FCRL5: variants seen among roughly 807,000 people sequenced by gnomAD.
The protein encoded by FCRL5 is Fc receptor like 5.
FCRL5 carries 79 observed loss-of-function variants against 92.1 expected under a neutral mutation model. That is an observed-to-expected ratio of 0.86 (90% CI 0.72 to 1.03). The LOEUF (loss-of-function observed/expected upper bound fraction) is 1.03, where lower values mean the gene tolerates loss of function less well. FCRL5 is among the 50% of genes least tolerant of loss of function. FCRL5 has a pLI of 0.00. For synonymous variants in FCRL5, 466 were observed against 469.3 expected, an observed-to-expected ratio of 0.99 and a Z score of 0.09; for missense variants, 1,160 against 1,181.1, an observed-to-expected ratio of 0.98 and a Z score of 0.26.
intron 9 of FCRL5, 150 bp from the exon 10 acceptor site, chr1:157,524,707 A>G: frequency 1.1e-6 from 1 of 874,498 alleles, no homozygotes; most frequent in South Asian, 2.0e-5. Flanking sequence ...GATCTCCAGA[A>G]AGAACAACAT....
intron 10 of FCRL5, chr1:157,521,593 T>G: frequency 4.4e-6 from 1 of 225,188 alleles, no homozygotes; most frequent in Non-Finnish European, 8.6e-6. Context: ...TACTATTCTT[T>G]TTTCTATTTT....
chr1:157,524,670 A>T (rs1490008276), intron 9 of FCRL5, 113 bp from the exon 10 acceptor site: 3 of 1,206,140 alleles, frequency 2.5e-6, no homozygotes, highest in Non-Finnish European at 3.4e-6. Context: ...CCCTTGTGAC[A>T]TTACTCAAAA....
At chr1:157,519,593 T>TATCC (rs1268656313) in intron 13 of FCRL5, 150 bp downstream of exon 13, 18 of 784,112 alleles carry the variant, frequency 2.3e-5, no homozygotes, top group Non-Finnish European at 3.7e-5. Flanking sequence ...TGCCTTAAGA[T>TATCC]ATCCCCAGGG....
intron 13 of FCRL5, 46 bp from the exon 14 acceptor site, chr1:157,518,828 G>A: frequency 6.6e-7 from 1 of 1,516,928 alleles, no homozygotes; most frequent in South Asian, 1.2e-5. Context: ...TCCAGACAAA[G>A]TAGCTATAAT....
chr1:157,526,717 T>A (rs1438093603), intron 9 of FCRL5, among the ~76,000 whole-genome samples: 2 of 151,170 alleles, frequency 1.3e-5, no homozygotes, highest in Admixed American at 6.6e-5. Context: ...GTGGTGGGAG[T>A]GGAGGGGGTT....
intron 13 of FCRL5, among the ~76,000 whole-genome samples, chr1:157,519,371 G>A (rs1650075255): frequency 6.6e-6 from 1 of 152,188 alleles, no homozygotes; most frequent in Non-Finnish European, 1.5e-5. Flanking sequence ...TATCACAAGA[G>A]GTGTTGATGA....
rs1206787417 is a variant in FCRL5 at position 157,518,791 on chromosome 1, CAG to C, written c.2661-11_2661-10del. ...CCGAGTCTGAAGGGCTCCTGTGAGACAGAGAAATGTGAATGTTTCTTAGGAAT... is the reference window on the plus strand; with the variant it reads ...CCGAGTCTGAAGGGCTCCTGTGAGACAGAAATGTGAATGTTTCTTAGGAAT... On this transcript the variant is annotated splice_polypyrimidine_tract_variant and intron_variant, in intron 13 of 16. Transcript: ENST00000361835. 1.2e-6 allele frequency: 2 copies of C among 1,605,110 alleles called. No homozygotes were observed. The highest frequency in any genetic ancestry group is 1.3e-5 in the African/African-American group (1 of 74,574).
At position 157,544,346 on chromosome 1, in the gene FCRL5, C is replaced by A. The variant is rs1651419257; in HGVS notation, c.760G>T (p.Asp254Tyr). 3 of 1,614,094 alleles carry A rather than the reference C, an allele frequency of 1.9e-6. No homozygotes were observed. In the African/African-American group the frequency reaches 4.0e-5, roughly 22 times the overall value. Reference sequence around the variant, plus strand: ...GCCTTACACCAGTAGAACCCTGAATCTTTACTCCACATGGCAGTAATCTGG... The same window carrying A: ...GCCTTACACCAGTAGAACCCTGAATATTTACTCCACATGGCAGTAATCTGG... ...NFQITAMWSK[D>Y]SGFYWCKAAT... Residue 254 changes from aspartate to tyrosine, a missense_variant, in exon 5 of 17, where the codon GAT becomes TAT. Coordinates refer to ENST00000361835, the MANE Select transcript of FCRL5 (RefSeq NM_031281.3).
At chr1:157,544,591 C>A in intron 4 of FCRL5, 45 bp from the exon 5 acceptor site, 1 of 1,596,470 alleles carries the variant, frequency 6.3e-7, no homozygotes, top group Middle Eastern at 2.1e-4. Context: ...GAGGCTGGAA[C>A]TGCTTTGGAG....
chr1:157,537,202 C>T (rs943636929), intron 7 of FCRL5, among the ~76,000 whole-genome samples: 2 of 152,198 alleles, frequency 1.3e-5, no homozygotes, highest in African/African-American at 4.8e-5. Context: ...TATTTTTCTT[C>T]TTTCTAAATC....
Position 157,547,132 on chromosome 1 carries a change from C to T in FCRL5, c.118G>A (p.Val40Met), listed in dbSNP as rs1242159492. ...CGAAATCCCTTGCAAGTGAGGGTCACTCTCTCTCCTTGGAAGACTGTGGTC... is the reference window on the plus strand; with the variant it reads ...CGAAATCCCTTGCAAGTGAGGGTCATTCTCTCTCCTTGGAAGACTGTGGTC... ...PWTTVFQGERVTLTCKGFRFY... is the reference protein window; with the variant it reads ...PWTTVFQGERMTLTCKGFRFY... The change falls in exon 3 of 17, where the codon GTG becomes ATG. Residue 40 changes from valine to methionine, a missense_variant. Val to Met is a conservative substitution (Grantham distance 21, BLOSUM62 1). Transcript: ENST00000361835. 1 of 1,614,066 alleles carries T rather than the reference C, an allele frequency of 6.2e-7. No homozygotes were observed. The highest frequency in any genetic ancestry group is 2.2e-5 in the East Asian group (1 of 44,884).
intron 6 of FCRL5, among the ~76,000 whole-genome samples, chr1:157,541,228 C>G (rs1215631848): frequency 1.3e-5 from 2 of 152,198 alleles, no homozygotes; most frequent in Non-Finnish European, 2.9e-5. Flanking sequence ...GTCCCAACTC[C>G]TCTACTGGGA....
intron 15 of FCRL5, among the ~76,000 whole-genome samples, chr1:157,516,448 A>G (rs552275040): frequency 1.3e-5 from 2 of 152,286 alleles, no homozygotes; most frequent in South Asian, 4.2e-4. Flanking sequence ...ATCATCTGTC[A>G]TGTATTGAGC....
chr1:157,548,419 C>A (rs1222065170), intron 2 of FCRL5, among the ~76,000 whole-genome samples: 1 of 151,892 alleles, frequency 6.6e-6, no homozygotes, highest in Non-Finnish European at 1.5e-5. Flanking sequence ...GCAACAAAAG[C>A]CAAAATTGAC....
Position 157,519,605 on chromosome 1 carries a change from CG to C in FCRL5, c.2660+137del, listed in dbSNP as rs138647931. The C allele has an allele frequency of 2.9e-3, 2,483 of 865,740 alleles. 30 individuals are homozygous for C. In the African/African-American group the frequency reaches 0.032, roughly 11 times the overall value. 53.6% of individuals were successfully genotyped at this position (865,740 alleles called of 1,614,324 possible). A position where few individuals can be genotyped will look rare whatever the true frequency, so the allele number is the denominator to read the frequency against. On this transcript the variant is annotated intron_variant, in intron 13 of 16. Transcript: ENST00000361835. ...AATTGCCTTAAGATATCCCCAGGGA[CG>C]TACAACAGGTAGTGGCCACACCCCA...
intron 2 of FCRL5, 29 bp from the exon 3 acceptor site, chr1:157,547,226 G>A (rs753160092): frequency 1.2e-6 from 2 of 1,610,750 alleles, no homozygotes; most frequent in Admixed American, 1.7e-5. Context: ...AGGAGTCTGA[G>A]GTGGAGGCGC....
At position 157,515,516 on chromosome 1, in the gene FCRL5, G is replaced by T; in HGVS notation, c.*159C>A. Reference sequence around the variant, plus strand: ...GGGAAACAGGTGACAGTCCAGCAGGGCCCTGCATTCTGGTCAGACTGAGAA... The same window carrying T: ...GGGAAACAGGTGACAGTCCAGCAGGTCCCTGCATTCTGGTCAGACTGAGAA... On this transcript the variant is annotated 3_prime_UTR_variant, in exon 17 of 17. Transcript: ENST00000361835. 6.7e-7 allele frequency: 1 copy of T among 1,499,078 alleles called. No homozygotes were observed. The highest frequency in any genetic ancestry group is 9.2e-7 in the Non-Finnish European group (1 of 1,092,780). 92.9% of individuals were successfully genotyped at this position (1,499,078 alleles called of 1,614,324 possible).
Position 157,544,876 on chromosome 1 carries a change from T to A in FCRL5, c.514A>T (p.Ser172Cys). 6.2e-7 allele frequency: 1 copy of A among 1,614,214 alleles called. No individual in the cohort carries two copies. Among genetic ancestry groups the A allele is most frequent in the Non-Finnish European group, 8.5e-7 (1 of 1,180,026 alleles). Residue 172 changes from serine (S) to cysteine (C), a missense_variant, in exon 4 of 17, where the codon AGT (serine) becomes TGT (cysteine). By Grantham distance (112) the Ser-to-Cys change is moderately radical. Coordinates refer to ENST00000361835, the MANE Select transcript of FCRL5 (RefSeq NM_031281.3). ...GTATTGGAAGAAACAGGGCAACAAC[T>A]TTCCTTATATCCAGTACAGCGATAT... Reference protein sequence around the residue: ...GAYRCTGYKESCCPVSSNTVK... With the variant: ...GAYRCTGYKECCCPVSSNTVK...
chr1:157,545,522 G>GTTTTTTTTTTTTTTTT (rs754972248), intron 3 of FCRL5, among the ~76,000 whole-genome samples: 2 of 84,940 alleles, frequency 2.4e-5, no homozygotes, highest in African/African-American at 5.0e-5. Flanking sequence ...TCTTTAATGA[G>GTTTTTTTTTTTTTTTT]TTTTTTTTTT....
Sources: allele counts gnomAD v4.1 joint callset (sites outside exome capture counted in the v4.1 genomes callset), GRCh38; gene constraint gnomAD v4.1.1; transcripts MANE v1.5; gene names NCBI Gene and HGNC (gene_info 2026-07-23, HGNC 2026-07-21).